CSNK1G3: variants seen among roughly 807,000 people sequenced by gnomAD.
CSNK1G3 encodes casein kinase I isoform gamma-3.
A neutral mutation model predicts 64.3 loss-of-function variants in CSNK1G3; 23 were observed. The observed-to-expected ratio is 0.36, with a 90% CI of 0.26 to 0.51. CSNK1G3 has a LOEUF of 0.51. CSNK1G3 is among the 20% of genes least tolerant of loss of function. The probability of loss-of-function intolerance (pLI) is 0.96; values close to 1 mark genes in which losing one functional copy is unlikely to be tolerated. For synonymous variants in CSNK1G3, 158 were observed against 162.2 expected, an observed-to-expected ratio of 0.97 and a Z score of 0.20; for missense variants, 357 against 510.5, an observed-to-expected ratio of 0.70 and a Z score of 2.90.
chr5:123,516,364 T>C (rs959478124), intron 1 of CSNK1G3, among the ~76,000 whole-genome samples: 3 of 152,192 alleles, frequency 2.0e-5, no homozygotes, highest in African/African-American at 7.2e-5. Flanking sequence ...TCAGGAAATA[T>C]GGAATGGGAG....
intron 5 of CSNK1G3, 103 bp downstream of exon 5, chr5:123,573,644 G>A (rs540750087): frequency 1.2e-5 from 12 of 1,019,860 alleles, no homozygotes; most frequent in Admixed American, 5.5e-5. Flanking sequence ...CTTACAGAGC[G>A]TTTGACGTAA....
intron 1 of CSNK1G3, among the ~76,000 whole-genome samples, chr5:123,513,067 G>A (rs1035750201): frequency 1.3e-5 from 2 of 152,098 alleles, no homozygotes; most frequent in Non-Finnish European, 2.9e-5. Context: ...TTCAGCTCAG[G>A]GATAAACTTC....
chr5:123,548,955 T>A (rs1261993957), intron 2 of CSNK1G3, among the ~76,000 whole-genome samples: 1 of 152,260 alleles, frequency 6.6e-6, no homozygotes, highest in African/African-American at 2.4e-5. Context: ...CTCTCATGAT[T>A]GTGTGGCTGA....
chr5:123,526,746 T>C (rs1347757617), intron 1 of CSNK1G3, among the ~76,000 whole-genome samples: 1 of 152,116 alleles, frequency 6.6e-6, no homozygotes, highest in Non-Finnish European at 1.5e-5. Flanking sequence ...GTGTCAGTGG[T>C]TTCTTTTTAC....
intron 1 of CSNK1G3, among the ~76,000 whole-genome samples, chr5:123,515,895 A>C (rs575135113): frequency 6.6e-6 from 1 of 152,322 alleles, no homozygotes; most frequent in East Asian, 1.9e-4. Context: ...ACTCTGAGTT[A>C]GGTGGTGTAA....
At chr5:123,524,128 G>T (rs866760123) in intron 1 of CSNK1G3, among the ~76,000 whole-genome samples, 4 of 152,098 alleles carry the variant, frequency 2.6e-5, no homozygotes, top group Admixed American at 2.0e-4. Flanking sequence ...AATTTCTTCT[G>T]CCTTTTTTCT....
exon 5 of CSNK1G3, chr5:123,573,419 G>A (rs1462608597): frequency 3.1e-6 from 5 of 1,613,652 alleles, no homozygotes; most frequent in Non-Finnish European, 4.2e-6. Flanking sequence ...TTACTATTTC[G>A]GCCCTTGTGG....
intron 6 of CSNK1G3, among the ~76,000 whole-genome samples, chr5:123,585,568 CAT>C (rs2150909585): frequency 6.6e-6 from 1 of 152,216 alleles, no homozygotes; most frequent in East Asian, 1.9e-4. Context: ...ATTGGCAAAA[CAT>C]ATCTGAAAAT....
At chr5:123,514,899 A>C (rs577471805) in intron 1 of CSNK1G3, among the ~76,000 whole-genome samples, 1 of 152,194 alleles carries the variant, frequency 6.6e-6, no homozygotes, top group African/African-American at 2.4e-5. Context: ...AGTCAGTTTG[A>C]GGCATGAAGG....
At chr5:123,574,351 C>T (rs1484154966) in intron 5 of CSNK1G3, among the ~76,000 whole-genome samples, 1 of 152,088 alleles carries the variant, frequency 6.6e-6, no homozygotes, top group Non-Finnish European at 1.5e-5. Flanking sequence ...TTCATTGACT[C>T]ATTAATTCTA....
intron 1 of CSNK1G3, among the ~76,000 whole-genome samples, chr5:123,543,577 T>C (rs1782035867): frequency 6.6e-6 from 1 of 152,212 alleles, no homozygotes. Context: ...CTTCAACAGC[T>C]GCAAATTCTG....
chr5:123,569,961 T>A (rs1378054319), intron 4 of CSNK1G3, among the ~76,000 whole-genome samples: 1 of 152,216 alleles, frequency 6.6e-6, no homozygotes, highest in African/African-American at 2.4e-5. Context: ...CCCTTTAAGA[T>A]AATCTTAAGG....
At chr5:123,585,974 A>G (rs1378498007) in intron 6 of CSNK1G3, among the ~76,000 whole-genome samples, 1 of 152,250 alleles carries the variant, frequency 6.6e-6, no homozygotes, top group Non-Finnish European at 1.5e-5. Flanking sequence ...ATGTATGTCA[A>G]CATAGACTAG....
At chr5:123,562,334 A>G (rs140782392) in intron 4 of CSNK1G3, among the ~76,000 whole-genome samples, 1,768 of 152,140 alleles carry the variant, frequency 0.012, 15 homozygotes, top group Non-Finnish European at 0.019. Context: ...TTATTTGTCT[A>G]TGTCTGTCTT....
intron 1 of CSNK1G3, among the ~76,000 whole-genome samples, chr5:123,528,996 A>T (rs1278409592): frequency 6.6e-6 from 1 of 152,196 alleles, no homozygotes; most frequent in Non-Finnish European, 1.5e-5. Flanking sequence ...TGCTTTTTGC[A>T]AGCTATTTAT....
At chr5:123,563,631 A>G (rs1407946957) in intron 4 of CSNK1G3, among the ~76,000 whole-genome samples, 1 of 152,052 alleles carries the variant, frequency 6.6e-6, no homozygotes, top group Non-Finnish European at 1.5e-5. Context: ...ATTATGGGTA[A>G]TAGTATAAAC....
At chr5:123,614,530 T>G in exon 13 of CSNK1G3, 1 of 676,358 alleles carries the variant, frequency 1.5e-6, no homozygotes, top group Non-Finnish European at 2.4e-6. Context: ...ACTTTCATAC[T>G]TCATTTTGTG....
chr5:123,544,351 G>T (rs545681076), intron 1 of CSNK1G3, among the ~76,000 whole-genome samples: 1 of 152,068 alleles, frequency 6.6e-6, no homozygotes, highest in East Asian at 1.9e-4. Context: ...CTACACCACC[G>T]GCCCCAGTTA....
chr5:123,591,404 C>A, exon 10 of CSNK1G3: 1 of 1,605,678 alleles, frequency 6.2e-7, no homozygotes, highest in Non-Finnish European at 8.5e-7. Context: ...ATGCAACAAT[C>A]CAAAAACCAG....
Sources: gnomAD v4.1 joint callset for allele counts (sites outside exome capture counted in the v4.1 genomes callset) on GRCh38, gnomAD v4.1.1 for gene constraint, MANE v1.5 for transcripts, NCBI Gene and HGNC (gene_info 2026-07-23, HGNC 2026-07-21) for gene names.